The following C11orf16 variants were observed in gnomAD, a reference collection of about 807,000 sequenced individuals.
C11orf16 encodes uncharacterized protein C11orf16.
C11orf16 carries 38 observed loss-of-function variants against 45.1 expected under a neutral mutation model. The observed-to-expected ratio is 0.84, with a 90% CI of 0.65 to 1.10. The LOEUF is 1.10. Among genes scored for constraint, C11orf16 ranks in the 50% least tolerant of loss-of-function variants. The pLI, the probability that C11orf16 is intolerant of heterozygous loss-of-function variation, is 0.00. For synonymous variants in C11orf16, 221 were observed against 222.0 expected (o/e 1.00, Z 0.04); for missense variants, 583 against 569.5 (o/e 1.02, Z -0.24).
At position 8,929,447 on chromosome 11, in the gene C11orf16, T is replaced by A. The variant is rs1589935162; in HGVS notation, c.254A>T (p.Asn85Ile). The change falls in exon 3 of 7, where the codon AAC becomes ATC. Residue 85 changes from asparagine (N) to isoleucine (I), a missense_variant. Asn to Ile is a moderately radical substitution (Grantham distance 149). Coordinates refer to ENST00000326053, the MANE Select transcript of C11orf16 (RefSeq NM_020643.3). ...TTCCCTTCTTGCTAGGACCCATGTG[T>A]TGGCAGCATCTCCAGCTCTTCCCAG... ...GWLGRAGDAA[N>I]TWVLARREAD... 6.2e-7 allele frequency: 1 copy of A among 1,614,132 alleles called. No individual in the cohort carries two copies. The highest frequency in any genetic ancestry group is 8.5e-7 in the Non-Finnish European group (1 of 1,180,014).
rs775467820 is a variant in C11orf16 at position 8,921,323 on chromosome 11, G to A, written c.1397C>T (p.Ser466Phe). The A allele has an allele frequency of 1.2e-6, 2 of 1,613,826 alleles. No homozygotes were observed. Among genetic ancestry groups the A allele is most frequent in the Non-Finnish European group, 1.7e-6 (2 of 1,180,010 alleles). The stretch of plus-strand genomic sequence containing the variant: ...ATCCTCAGGGCTCTTAGTCTAACGG[G>A]AATTCTTGTTCCACTGACATATTGC... The part of the protein sequence containing the change: ...SLAICQWNKN[S>F]R The change falls in exon 6 of 7, where the codon TCC (serine) becomes TTC (phenylalanine). Residue 466 changes from serine (S) to phenylalanine (F), a missense_variant. Ser to Phe is a radical substitution (Grantham distance 155). Transcript: ENST00000326053.
intron 3 of C11orf16, chr11:8,927,555 C>G (rs1454239854): frequency 2.0e-5 from 9 of 457,306 alleles, no homozygotes; most frequent in Non-Finnish European, 3.5e-5. Context: ...CCAGCACCCC[C>G]AAGAAGCGTC....
chr11:8,924,722 T>A (rs1257673301), intron 5 of C11orf16, among the ~76,000 whole-genome samples: 2 of 152,038 alleles, frequency 1.3e-5, no homozygotes, highest in Non-Finnish European at 2.9e-5. Flanking sequence ...CCCAGATACG[T>A]TCAGTGACCC....
intron 3 of C11orf16, among the ~76,000 whole-genome samples, chr11:8,927,879 T>C (rs997811771): frequency 6.6e-6 from 1 of 152,256 alleles, no homozygotes; most frequent in Admixed American, 6.5e-5. Context: ...GAATTTCATT[T>C]TAATTCACAT....
chr11:8,931,056 G>A (rs2134840144), intron 2 of C11orf16, among the ~76,000 whole-genome samples: 1 of 152,256 alleles, frequency 6.6e-6, no homozygotes, highest in East Asian at 1.9e-4. Context: ...ATAGGGCTGT[G>A]GTGCCTTTGG....
chr11:8,924,937 G>T (rs747494821), intron 5 of C11orf16, among the ~76,000 whole-genome samples: 1 of 152,178 alleles, frequency 6.6e-6, no homozygotes, highest in Non-Finnish European at 1.5e-5. Flanking sequence ...AACAGGACAC[G>T]GCTTCCCTGT....
At chr11:8,923,538 G>T (rs1033480183) in intron 5 of C11orf16, among the ~76,000 whole-genome samples, 1 of 152,162 alleles carries the variant, frequency 6.6e-6, no homozygotes, top group Non-Finnish European at 1.5e-5. Flanking sequence ...AAAGAAAATG[G>T]TGCCAAACTC....
chr11:8,927,621 C>T (rs753643371), intron 3 of C11orf16: 53 of 456,882 alleles, frequency 1.2e-4, no homozygotes, highest in South Asian at 4.2e-4. Context: ...GATGGTTGTT[C>T]ACCTATGAGG....
At position 8,921,399 on chromosome 11, in the gene C11orf16, G is replaced by A; in HGVS notation, c.1321C>T (p.Pro441Ser). The part of the protein sequence containing the change: ...LVSKATHMKP[P>S]RTPPGEAEHR... ...TCAGCTTCCCCTGGCGGGGTCCGCG[G>A]TGGCTTCATGTGGGTTGCTTTCGAG... Residue 441 changes from proline (P) to serine (S), a missense_variant, in exon 6 of 7, where the codon CCG (proline) becomes TCG (serine). Physicochemically the swap from Pro to Ser is moderately conservative, Grantham distance 74 (BLOSUM62 -1). Transcript: ENST00000326053. 1 of 1,614,226 alleles carries A rather than the reference G, an allele frequency of 6.2e-7. No homozygotes were observed. Among genetic ancestry groups the A allele is most frequent in the Non-Finnish European group, 8.5e-7 (1 of 1,180,030 alleles).
In C11orf16 at chr11:8,927,068, G is replaced by A. The variant is rs2568076; in HGVS notation, c.431C>T (p.Pro144Leu). The A allele has an allele frequency of 7.3e-3, 11,819 of 1,614,138 alleles. 336 individuals carry two copies. In the East Asian group the frequency reaches 0.083, roughly 11 times the overall value. Reference protein sequence around the residue: ...QRVVLEEDVIPLSPSVGYSLR... With the variant: ...QRVVLEEDVILLSPSVGYSLR... Reference sequence around the variant, plus strand: ...TGAGTATCCTACAGATGGTGAGAGAGGAATGACATCCTCTTCTAAGACCAC... The same window carrying A: ...TGAGTATCCTACAGATGGTGAGAGAAGAATGACATCCTCTTCTAAGACCAC... The change falls in exon 4 of 7, where the codon CCT becomes CTT. Residue 144 changes from proline to leucine, a missense_variant. Physicochemically the swap from Pro to Leu is moderately conservative, Grantham distance 98. Coordinates refer to ENST00000326053, the MANE Select transcript of C11orf16 (RefSeq NM_020643.3).
chr11:8,924,378 TAGCC>T (rs1302638299), intron 5 of C11orf16, among the ~76,000 whole-genome samples: 4 of 151,962 alleles, frequency 2.6e-5, no homozygotes, highest in African/African-American at 9.7e-5. Context: ...TACAAAAAGT[TAGCC>T]AGGCATGGTG....
intron 3 of C11orf16, chr11:8,927,747 C>T: frequency 2.3e-6 from 1 of 434,256 alleles, no homozygotes; most frequent in Admixed American, 2.5e-5. Flanking sequence ...AACAGTGCTG[C>T]AGCTACTTAA....
At chr11:8,928,309 G>GA (rs1171070167) in intron 3 of C11orf16, among the ~76,000 whole-genome samples, 3 of 134,526 alleles carry the variant, frequency 2.2e-5, no homozygotes, top group Non-Finnish European at 5.1e-5. Context: ...GTCTGACTCT[G>GA]AAAAAAAGAA....
At position 8,932,339 on chromosome 11, in the gene C11orf16, A is replaced by C. The variant is rs2064655722; in HGVS notation, c.-18-13T>G. On this transcript the variant is annotated splice_polypyrimidine_tract_variant and intron_variant, in intron 1 of 6. Transcript: ENST00000326053. ...TCAGAGGATCCACCTGAGAATAGGC[A>C]CCACCATTACCTGAGCTGCAGCTTG... 2 of 1,546,830 alleles carry C rather than the reference A, an allele frequency of 1.3e-6. No individual in the cohort carries two copies. Among genetic ancestry groups the C allele is most frequent in the Non-Finnish European group, 1.7e-6 (2 of 1,148,602 alleles).
At chr11:8,928,942 A>C in intron 3 of C11orf16, 1 of 161,846 alleles carries the variant, frequency 6.2e-6, no homozygotes, top group Non-Finnish European at 1.4e-5. Flanking sequence ...ATAAAGGGGG[A>C]AATGTGGGCA....
intron 5 of C11orf16, among the ~76,000 whole-genome samples, chr11:8,923,927 GC>G (rs1376063539): frequency 2.7e-5 from 4 of 148,390 alleles, no homozygotes; most frequent in South Asian, 4.2e-4. Flanking sequence ...CTGAGTGGCT[GC>G]TGCCAAGGCT....
chr11:8,928,537 C>T (rs902973183), intron 3 of C11orf16, among the ~76,000 whole-genome samples: 13 of 152,142 alleles, frequency 8.5e-5, no homozygotes, highest in African/African-American at 2.2e-4. Flanking sequence ...AATTGTGTCC[C>T]GTTACCCACC....
At chr11:8,921,197 C>G in intron 6 of C11orf16, 97 bp downstream of exon 6, 1 of 904,444 alleles carries the variant, frequency 1.1e-6, no homozygotes, top group Non-Finnish European at 1.7e-6. Flanking sequence ...GACAAGGGGT[C>G]ATAGGTTTTA....
At position 8,925,238 on chromosome 11, in the gene C11orf16, C is replaced by T. The variant is rs140144612; in HGVS notation, c.1204+225G>A. On this transcript the variant is annotated intron_variant, in intron 5 of 6. Coordinates refer to ENST00000326053, the MANE Select transcript of C11orf16 (RefSeq NM_020643.3). ...ATTAAATAGGGATGCAACCTTAGCA[C>T]AAAGATCAGTTCATCCTTCTGCTCC... Among the ~76,000 whole-genome samples the T allele has an allele frequency of 2.5e-3, 381 of 152,336 alleles. 2 individuals carry two copies. The highest frequency in any genetic ancestry group is 8.9e-3 in the African/African-American group (369 of 41,566).
Sources: allele counts gnomAD v4.1 joint callset (sites outside exome capture counted in the v4.1 genomes callset), GRCh38; gene constraint gnomAD v4.1.1; transcripts MANE v1.5; gene names NCBI Gene and HGNC (gene_info 2026-07-23, HGNC 2026-07-21).